Variants in TTLL5 observed in about 807,000 individuals in gnomAD.
TTLL5 encodes the protein tubulin tyrosine ligase like 5.
TTLL5 carries 132 observed loss-of-function variants against 168.4 expected under a neutral mutation model. The ratio of observed to expected loss-of-function variants is 0.78; its 90% CI spans 0.68 to 0.91. The LOEUF is 0.91. Ranked by LOEUF, TTLL5 falls within the 40% of genes least tolerant of loss-of-function variation. The pLI, the probability that TTLL5 is intolerant of heterozygous loss-of-function variation, is 0.00. For synonymous variants in TTLL5, 546 were observed against 558.6 expected, an observed-to-expected ratio of 0.98 and a Z score of 0.32; for missense variants, 1,545 against 1,581.5, an observed-to-expected ratio of 0.98 and a Z score of 0.39.
chr14:75,898,522 G>A (rs1309497356), intron 30 of TTLL5, among the ~76,000 whole-genome samples: 1 of 152,124 alleles, frequency 6.6e-6, no homozygotes, highest in Non-Finnish European at 1.5e-5. Flanking sequence ...CACGCCTGTA[G>A]TCCCAGCCAC....
intron 2 of TTLL5, among the ~76,000 whole-genome samples, chr14:75,665,380 C>T (rs1238901208): frequency 2.0e-5 from 3 of 152,152 alleles, no homozygotes; most frequent in African/African-American, 7.2e-5. Flanking sequence ...TACTGGGAAG[C>T]AGCATAGATG....
At chr14:75,909,385 T>C (rs1356227369) in intron 31 of TTLL5, among the ~76,000 whole-genome samples, 4 of 149,952 alleles carry the variant, frequency 2.7e-5, no homozygotes, top group African/African-American at 9.9e-5. Context: ...TCCAAAGCTG[T>C]TTAATTGCCC....
chr14:75,672,699 A>T (rs549382009), intron 3 of TTLL5, among the ~76,000 whole-genome samples: 1 of 152,050 alleles, frequency 6.6e-6, no homozygotes, highest in Non-Finnish European at 1.5e-5. Flanking sequence ...AGGTCTATTC[A>T]TATTTTCTAT....
At chr14:75,777,599 T>G (rs1189517985) in intron 23 of TTLL5, among the ~76,000 whole-genome samples, 1 of 152,118 alleles carries the variant, frequency 6.6e-6, no homozygotes, top group Non-Finnish European at 1.5e-5. Context: ...ACTGGAGGAT[T>G]TTTTTCTAAA....
chr14:75,704,828 T>A (rs930635965), intron 7 of TTLL5, among the ~76,000 whole-genome samples: 4 of 152,220 alleles, frequency 2.6e-5, no homozygotes, highest in African/African-American at 9.6e-5. Flanking sequence ...ATAGTAAAGT[T>A]ACCTAAATAT....
intron 15 of TTLL5, among the ~76,000 whole-genome samples, chr14:75,741,078 A>T (rs1401229482): frequency 1.3e-5 from 2 of 152,116 alleles, no homozygotes; most frequent in Non-Finnish European, 2.9e-5. Context: ...TACTACTTTG[A>T]TTGAGTGGAG....
At chr14:75,762,061 C>T (rs1208152478) in intron 18 of TTLL5, among the ~76,000 whole-genome samples, 1 of 151,942 alleles carries the variant, frequency 6.6e-6, no homozygotes, top group African/African-American at 2.4e-5. Context: ...TATGGTTGTT[C>T]ACTGTACAAT....
In TTLL5 at chr14:75,678,179, A is replaced by T. The variant is rs76110443; in HGVS notation, c.182-3366A>T. On this transcript the variant is annotated intron_variant, in intron 3 of 31. Transcript: ENST00000298832. ...GGACCAGATATTTTTTCATTTTTGT[A>T]CACATTTTATTTAGAAAAATTAAAA... Among the ~76,000 whole-genome samples, 218 of 152,320 alleles carry T rather than the reference A, an allele frequency of 1.4e-3. 1 individual carries two copies. The highest frequency in any genetic ancestry group is 5.1e-3 in the African/African-American group (213 of 41,588).
chr14:75,745,447 G>A lies in TTLL5; in HGVS notation c.1396-43G>A, dbSNP rs558574622. The A allele has an allele frequency of 1.3e-5, 20 of 1,595,236 alleles. No homozygotes were observed. The African/African-American group carries it at 1.3e-4, about 11-fold the overall frequency. On this transcript the variant is annotated intron_variant, in intron 16 of 31. Coordinates refer to ENST00000298832, the MANE Select transcript of TTLL5 (RefSeq NM_015072.5). ...TTTGTCCTATAGCCACATGGACTCC[G>A]GTTTTCAAAATAGGTACTCATTTTA...
chr14:75,874,911 G>GGA lies in TTLL5; in HGVS notation c.3523-7774_3523-7773insGA, dbSNP rs1555353201. Among the ~76,000 whole-genome samples the GGA allele has an allele frequency of 7.0e-5, 8 of 114,710 alleles. No homozygotes were observed. In the South Asian group the frequency reaches 2.6e-3, roughly 37 times the overall value. 75.3% of individuals were successfully genotyped at this position (114,710 alleles called of 152,430 possible). On this transcript the variant is annotated intron_variant, in intron 29 of 31. Coordinates refer to ENST00000298832, the MANE Select transcript of TTLL5 (RefSeq NM_015072.5). ...GGTGCTTTTCTGTTTGTGACACAGA[G>GGA]AAAAAAAAAGACACTGGGGGCCTTT...
At position 75,943,553 on chromosome 14, in the gene TTLL5, G is replaced by T. The variant is rs185087076; in HGVS notation, c.3824-10871G>T. Among the ~76,000 whole-genome samples, 3 of 152,310 alleles carry T rather than the reference G, an allele frequency of 2.0e-5. No individual in the cohort carries two copies. In the East Asian group the frequency reaches 5.8e-4, roughly 29 times the overall value. On this transcript the variant is annotated intron_variant, in intron 31 of 31. Transcript: ENST00000298832. Reference sequence around the variant, plus strand: ...GAGGTAGCCTGAAAAACTTCAGACTGAGAGTTTAAGGTGGTCCTAAGGCAC... The same window carrying T: ...GAGGTAGCCTGAAAAACTTCAGACTTAGAGTTTAAGGTGGTCCTAAGGCAC...
At chr14:75,949,678 G>A (rs1005664285) in intron 31 of TTLL5, among the ~76,000 whole-genome samples, 7 of 151,542 alleles carry the variant, frequency 4.6e-5, no homozygotes, top group African/African-American at 9.7e-5. Flanking sequence ...GCAAACCCCC[G>A]TCTCTACTAA....
intron 3 of TTLL5, among the ~76,000 whole-genome samples, chr14:75,675,852 G>T (rs143613145): frequency 1.3e-5 from 2 of 152,188 alleles, no homozygotes; most frequent in South Asian, 4.2e-4. Context: ...GGGAAGGGAG[G>T]AATGAATGTT....
chr14:75,857,958 C>A (rs1897219274), intron 28 of TTLL5, among the ~76,000 whole-genome samples: 1 of 151,962 alleles, frequency 6.6e-6, no homozygotes, highest in Non-Finnish European at 1.5e-5. Flanking sequence ...GCATAGAATT[C>A]ATTTTGTAAT....
In TTLL5 at chr14:75,699,205, C is replaced by T. The variant is rs768601418; in HGVS notation, c.520C>T (p.Arg174Trp). Reference protein sequence around the residue: ...AEFCNSYSKDRGPWIVKPVAS... With the variant: ...AEFCNSYSKDWGPWIVKPVAS... ...TTGAGCAGATTCATATTCGAAGGACCGGGGACCTTGGATAGTAAAACCAGT... is the reference window on the plus strand; with the variant it reads ...TTGAGCAGATTCATATTCGAAGGACTGGGGACCTTGGATAGTAAAACCAGT... Residue 174 changes from arginine to tryptophan, a missense_variant, in exon 7 of 32, where the codon CGG becomes TGG. Transcript: ENST00000298832. The T allele has an allele frequency of 1.8e-5, 29 of 1,613,588 alleles. No individual in the cohort carries two copies. Among genetic ancestry groups the T allele is most frequent in the East Asian group, 2.2e-5 (1 of 44,866 alleles).
intron 23 of TTLL5, among the ~76,000 whole-genome samples, chr14:75,777,576 T>A (rs895723199): frequency 1.2e-4 from 19 of 152,202 alleles, no homozygotes; most frequent in African/African-American, 4.6e-4. Context: ...ATTTTAAATC[T>A]TGTAAAACTT....
At chr14:75,726,407 A>G (rs1183562042) in intron 12 of TTLL5, among the ~76,000 whole-genome samples, 1 of 152,148 alleles carries the variant, frequency 6.6e-6, no homozygotes, top group East Asian at 1.9e-4. Context: ...TTCACTTAAA[A>G]TATATTTTTT....
At chr14:75,892,494 TC>T (rs1001640361) in intron 30 of TTLL5, among the ~76,000 whole-genome samples, 1 of 151,946 alleles carries the variant, frequency 6.6e-6, no homozygotes, top group Non-Finnish European at 1.5e-5. Context: ...TGGGACAGTT[TC>T]CCCCCCAGGA....
Position 75,775,705 on chromosome 14 carries a change from T to A in TTLL5, c.2283+75T>A. ...GAAACAGACTAGATAGAAGCCTCTG[T>A]CCAACTGGATGGAGACACTCTTCTT... On this transcript the variant is annotated intron_variant, in intron 22 of 31. Transcript: ENST00000298832. The A allele has an allele frequency of 2.0e-6, 3 of 1,535,710 alleles. 1 individual carries two copies. In the South Asian group the frequency reaches 3.7e-5, roughly 19 times the overall value.
Sources: allele counts gnomAD v4.1 joint callset (sites outside exome capture counted in the v4.1 genomes callset), GRCh38; gene constraint gnomAD v4.1.1; transcripts MANE v1.5; gene names NCBI Gene and HGNC (gene_info 2026-07-23, HGNC 2026-07-21).